Variants in NFATC2 observed in about 807,000 individuals in gnomAD.
NFATC2 encodes the protein nuclear factor of activated T-cells, cytoplasmic 2.
A neutral mutation model predicts 87.3 loss-of-function variants in NFATC2; 22 were observed. The observed-to-expected ratio is 0.25, with a 90% confidence interval of 0.18 to 0.36. The LOEUF is 0.36. Among genes scored for constraint, NFATC2 ranks in the 10% least tolerant of loss-of-function variants. The pLI is 1.00. For missense variants in NFATC2, 1,149 were observed against 1,259.1 expected (o/e 0.91, Z 1.32); for synonymous variants, 565 against 542.2 (o/e 1.04, Z -0.58).
At chr20:51,454,470 C>A (rs2146427573) in intron 6 of NFATC2, 78 bp downstream of exon 6, 1 of 1,546,502 alleles carries the variant, frequency 6.5e-7, no homozygotes, top group Non-Finnish European at 8.8e-7. Context: ...CCCCCAAAAC[C>A]AAAGTTGTAT....
intron 9 of NFATC2, among the ~76,000 whole-genome samples, chr20:51,409,714 C>T (rs539647109): frequency 9.2e-4 from 140 of 152,332 alleles, no homozygotes; most frequent in African/African-American, 3.2e-3. Flanking sequence ...GACAGAGCCA[C>T]GTGTCAGACG....
At chr20:51,434,428 C>G (rs76716897) in intron 8 of NFATC2, among the ~76,000 whole-genome samples, 1 of 114,428 alleles carries the variant, frequency 8.7e-6, no homozygotes, top group Non-Finnish European at 1.8e-5. Context: ...GCCTATTTCC[C>G]AAGGGAGAGC....
intron 9 of NFATC2, among the ~76,000 whole-genome samples, chr20:51,427,083 G>A (rs1600708260): frequency 4.0e-5 from 6 of 151,418 alleles, no homozygotes; most frequent in South Asian, 2.1e-4. Flanking sequence ...TTTCCAGAAC[G>A]GGGTAAAACA....
intron 9 of NFATC2, among the ~76,000 whole-genome samples, chr20:51,406,190 A>G (rs1408916951): frequency 6.6e-6 from 1 of 152,238 alleles, no homozygotes; most frequent in Non-Finnish European, 1.5e-5. Context: ...CAGGCTCTGC[A>G]GCTATTATGT....
Position 51,389,085 on chromosome 20 carries a change from T to A in NFATC2, c.*2411A>T, listed in dbSNP as rs1986063094. On this transcript the variant is annotated 3_prime_UTR_variant, in exon 11 of 11. Coordinates refer to ENST00000371564, the MANE Select transcript of NFATC2 (RefSeq NM_012340.5). ...TCCTTTGCGATTTGTTACAGTTGTT[T>A]ATGAAAGTGCTTCCTATAATATCCA... 1 of 152,234 alleles carries A rather than the reference T, an allele frequency of 6.6e-6. No homozygotes were observed. Among genetic ancestry groups the A allele is most frequent in the African/African-American group, 2.4e-5 (1 of 41,460 alleles). 9.4% of individuals were successfully genotyped at this position (152,234 alleles called of 1,614,324 possible).
At chr20:51,397,787 G>T (rs1600650186) in intron 10 of NFATC2, among the ~76,000 whole-genome samples, 1 of 152,176 alleles carries the variant, frequency 6.6e-6, no homozygotes, top group Admixed American at 6.5e-5. Flanking sequence ...CAGCTCCCCT[G>T]GGTGTACTAA....
chr20:51,489,965 T>G (rs2075854330), intron 3 of NFATC2, among the ~76,000 whole-genome samples: 1 of 152,232 alleles, frequency 6.6e-6, no homozygotes. Context: ...CTGTCTGGTT[T>G]CCGAATTGCT....
rs1301785082 is a variant in NFATC2 at position 51,524,306 on chromosome 20, C to G, written c.131-196G>C. ...CTTTGTCCCAGGTCCCTGGAGAAGA[C>G]AGGTCGAAGCAGAATGAGTTCTGGA... On this transcript the variant is annotated intron_variant, in intron 1 of 10. Transcript: ENST00000371564. The surrounding 1 kb of genome is among the most constrained non-coding windows in gnomAD (Gnocchi z 4.0). 6.6e-6 allele frequency among the ~76,000 whole-genome samples: 1 copy of G among 152,144 alleles called. No homozygotes were observed. The highest frequency in any genetic ancestry group is 1.5e-5 in the Non-Finnish European group (1 of 68,022).
chr20:51,502,703 C>T (rs1157254926), intron 3 of NFATC2, among the ~76,000 whole-genome samples: 2 of 152,102 alleles, frequency 1.3e-5, no homozygotes, highest in African/African-American at 4.8e-5. Context: ...GCAAGTGTGT[C>T]CTGAGGGTTT....
chr20:51,396,064 A>AAGC (rs1265723751), intron 10 of NFATC2, among the ~76,000 whole-genome samples: 2 of 17,048 alleles, frequency 1.2e-4, no homozygotes, highest in Non-Finnish European at 1.9e-4. Flanking sequence ...ATATATATAT[A>AAGC]TATATATATA....
intron 9 of NFATC2, among the ~76,000 whole-genome samples, chr20:51,408,407 G>A (rs146675063): frequency 2.2e-4 from 34 of 151,522 alleles, no homozygotes; most frequent in African/African-American, 7.0e-4. Context: ...CCAGCTACTC[G>A]GGAGGCTAAG....
intron 9 of NFATC2, among the ~76,000 whole-genome samples, chr20:51,428,061 G>T (rs1982119765): frequency 1.3e-5 from 2 of 152,070 alleles, no homozygotes; most frequent in African/African-American, 4.8e-5. Flanking sequence ...GGAGGGTCAA[G>T]GACAGAGAAG....
rs771790413 is a variant in NFATC2, at chr20:51,523,665, C to T, written c.576G>A (p.Ser192=). The change falls in exon 2 of 11, where the codon TCG becomes TCA. Residue 192 remains serine, a synonymous_variant. Coordinates refer to ENST00000371564, the MANE Select transcript of NFATC2 (RefSeq NM_012340.5). This position sits in a 1 kb window ranked among gnomAD's most constrained non-coding sequence, Gnocchi z 6.9. ...GGTCGTCGGGCCCGCCGTTATTGGGCGAGACGCAGGGCGAGGTGTAGGGGG... is the reference window on the plus strand; with the variant it reads ...GGTCGTCGGGCCCGCCGTTATTGGGTGAGACGCAGGGCGAGGTGTAGGGGG... ...TFSPYTSPCV[S]PNNGGPDDLC... is the part of the protein sequence containing the mutation. The T allele has an allele frequency of 2.5e-6, 4 of 1,613,774 alleles. No individual in the cohort carries two copies. Among genetic ancestry groups the T allele is most frequent in the East Asian group, 2.2e-5 (1 of 44,852 alleles).
intron 9 of NFATC2, among the ~76,000 whole-genome samples, chr20:51,424,333 G>A (rs2426310): frequency 0.62 from 94,848 of 152,018 alleles, 33,862 homozygotes; most frequent in Non-Finnish European, 0.81. Context: ...CTGGCTCTTC[G>A]TCAGAGCCTA....
intron 2 of NFATC2, among the ~76,000 whole-genome samples, chr20:51,522,301 G>A (rs1030830877): frequency 1.3e-5 from 2 of 151,974 alleles, no homozygotes; most frequent in African/African-American, 4.8e-5. Context: ...GTCGGGGAGG[G>A]GGAAGCTCTT....
At chr20:51,469,615 A>C (rs1215873738) in intron 5 of NFATC2, among the ~76,000 whole-genome samples, 5 of 152,176 alleles carry the variant, frequency 3.3e-5, no homozygotes. Flanking sequence ...TAAGGTAAGA[A>C]TGGAGATGAG....
intron 8 of NFATC2, among the ~76,000 whole-genome samples, chr20:51,434,233 AG>A (rs1286544471): frequency 6.8e-6 from 1 of 148,124 alleles, no homozygotes; most frequent in African/African-American, 2.5e-5. Flanking sequence ...CAAGGCTGCC[AG>A]GGCAGTCAAG....
chr20:51,398,571 A>ACTT (rs1491556421), intron 10 of NFATC2, 72 bp downstream of exon 10: 54 of 1,244 alleles, frequency 0.043, no homozygotes, highest in Admixed American at 0.2. Flanking sequence ...TACTTTACTT[A>ACTT]AAAAAAAAAA....
chr20:51,428,225 A>G (rs1340801657), intron 9 of NFATC2, among the ~76,000 whole-genome samples: 3 of 152,124 alleles, frequency 2.0e-5, no homozygotes, highest in African/African-American at 7.2e-5. Flanking sequence ...TTCCCCAGGT[A>G]CAATTTGGGG....
Sources: gnomAD v4.1 joint callset for allele counts (sites outside exome capture counted in the v4.1 genomes callset) on GRCh38, gnomAD v4.1.1 for gene constraint, Gnocchi (gnomAD v3.1) non-coding constraint, MANE v1.5 for transcripts, NCBI Gene and HGNC (gene_info 2026-07-23, HGNC 2026-07-21) for gene names.